ALK: variants seen among roughly 807,000 people sequenced by gnomAD.
The protein encoded by ALK is ALK tyrosine kinase receptor.
Under a neutral mutation model 163.1 loss-of-function variants are expected in ALK, and 74 were observed. The observed-to-expected ratio is 0.45, with a 90% CI of 0.38 to 0.55. ALK has a LOEUF of 0.55. Ranked by LOEUF, ALK falls within the 20% of genes least tolerant of loss-of-function variation. ALK has a pLI of 0.00. For missense variants in ALK, 2,063 were observed against 2,105.3 expected, an observed-to-expected ratio of 0.98 and a Z score of 0.39; for synonymous variants, 960 against 843.2, an observed-to-expected ratio of 1.14 and a Z score of -2.40.
At chr2:29,643,163 T>A (rs1676753009) in intron 3 of ALK, among the ~76,000 whole-genome samples, 1 of 151,932 alleles carries the variant, frequency 6.6e-6, no homozygotes, top group African/African-American at 2.4e-5. Flanking sequence ...ATAATAATGG[T>A]TTCTTGGGGG....
At chr2:29,517,083 C>T (rs1265584428) in intron 4 of ALK, among the ~76,000 whole-genome samples, 1 of 152,134 alleles carries the variant, frequency 6.6e-6, no homozygotes, top group African/African-American at 2.4e-5. Context: ...TTTGGGGACC[C>T]CACAATGAAA....
At chr2:29,777,342 C>A (rs886395345) in intron 1 of ALK, among the ~76,000 whole-genome samples, 1 of 152,076 alleles carries the variant, frequency 6.6e-6, no homozygotes, top group Admixed American at 6.6e-5. Flanking sequence ...ACCCAGCCTA[C>A]GAGTCACTGG....
At chr2:29,824,379 C>T (rs913244738) in intron 1 of ALK, among the ~76,000 whole-genome samples, 3 of 152,208 alleles carry the variant, frequency 2.0e-5, no homozygotes, top group Non-Finnish European at 4.4e-5. Context: ...AAGATGGCCA[C>T]TGTCCTCCAG....
At chr2:29,391,056 G>T (rs574621319) in intron 4 of ALK, among the ~76,000 whole-genome samples, 9 of 152,206 alleles carry the variant, frequency 5.9e-5, no homozygotes, top group Non-Finnish European at 7.4e-5. Context: ...CTGTAGGGGG[G>T]GCCAAGGCAG....
intron 23 of ALK, among the ~76,000 whole-genome samples, chr2:29,215,877 G>A (rs1289794169): frequency 7.2e-5 from 11 of 152,208 alleles, no homozygotes; most frequent in Non-Finnish European, 8.8e-5. Flanking sequence ...AGTTTCATCT[G>A]TGACAGTGGC....
At chr2:29,590,067 TC>T (rs1675002738) in intron 3 of ALK, among the ~76,000 whole-genome samples, 1 of 152,238 alleles carries the variant, frequency 6.6e-6, no homozygotes, top group South Asian at 2.1e-4. Context: ...AGCTAGTTTG[TC>T]TGGCTTGTCA....
At chr2:29,674,928 T>G (rs1366693503) in intron 3 of ALK, among the ~76,000 whole-genome samples, 1 of 135,970 alleles carries the variant, frequency 7.4e-6, no homozygotes. Context: ...GAGGAATTTA[T>G]CCATTTCTTC....
intron 4 of ALK, among the ~76,000 whole-genome samples, chr2:29,434,296 C>T (rs183160132): frequency 1.4e-4 from 22 of 152,218 alleles, no homozygotes; most frequent in African/African-American, 2.6e-4. Flanking sequence ...GCAAATGAGA[C>T]GGAGGCTAGG....
At chr2:29,883,085 G>T (rs1031356119) in intron 1 of ALK, among the ~76,000 whole-genome samples, 4 of 151,344 alleles carry the variant, frequency 2.6e-5, no homozygotes, top group Non-Finnish European at 5.9e-5. Context: ...GAGAGAGGAA[G>T]GGAGAGAGGA....
At chr2:29,371,668 G>T (rs1230865680) in intron 5 of ALK, among the ~76,000 whole-genome samples, 1 of 152,182 alleles carries the variant, frequency 6.6e-6, no homozygotes, top group Non-Finnish European at 1.5e-5. Flanking sequence ...TTCTGACTTG[G>T]TACGTCAGTT....
At chr2:29,577,084 A>G (rs961138231) in intron 3 of ALK, among the ~76,000 whole-genome samples, 1 of 152,094 alleles carries the variant, frequency 6.6e-6, no homozygotes, top group African/African-American at 2.4e-5. Flanking sequence ...CAGTGCCAAA[A>G]AGGTTGGAGA....
At chr2:29,234,616 A>T (rs1664319774) in intron 13 of ALK, among the ~76,000 whole-genome samples, 1 of 152,158 alleles carries the variant, frequency 6.6e-6, no homozygotes. Flanking sequence ...AAACTGTGAC[A>T]GGGGCCCTCG....
chr2:29,226,225 T>C (rs923800148), intron 18 of ALK, among the ~76,000 whole-genome samples: 3 of 151,886 alleles, frequency 2.0e-5, no homozygotes, highest in Non-Finnish European at 4.4e-5. Context: ...ACACCTGTAA[T>C]CCCAGCACTT....
chr2:29,830,672 C>T, intron 1 of ALK, among the ~76,000 whole-genome samples: 1 of 124,858 alleles, frequency 8.0e-6, no homozygotes, highest in Non-Finnish European at 1.6e-5. Flanking sequence ...AGTTGAAGAC[C>T]AGCCTGGAAA....
At chr2:29,404,305 CT>C (rs1477046532) in intron 4 of ALK, among the ~76,000 whole-genome samples, 1 of 38,216 alleles carries the variant, frequency 2.6e-5, no homozygotes, top group East Asian at 8.8e-4. Context: ...AAGACTCCGT[CT>C]CAAAAAAAAA....
intron 2 of ALK, among the ~76,000 whole-genome samples, chr2:29,696,269 C>G (rs1338737012): frequency 6.6e-6 from 1 of 151,970 alleles, no homozygotes; most frequent in Non-Finnish European, 1.5e-5. Flanking sequence ...TCATTCTCAG[C>G]AAACTAACAC....
chr2:29,721,405 C>A (rs1679418737), intron 1 of ALK, among the ~76,000 whole-genome samples: 1 of 152,178 alleles, frequency 6.6e-6, no homozygotes, highest in African/African-American at 2.4e-5. Flanking sequence ...TTAAATTCAT[C>A]ACCAGAAACC....
At chr2:29,291,659 T>A (rs370348160) in intron 9 of ALK, among the ~76,000 whole-genome samples, 97 of 152,352 alleles carry the variant, frequency 6.4e-4, no homozygotes, top group African/African-American at 2.3e-3. Flanking sequence ...CTAGCTCTAA[T>A]CATCATTTAT....
chr2:29,295,347 T>G (rs1666143853), intron 9 of ALK, among the ~76,000 whole-genome samples: 1 of 152,170 alleles, frequency 6.6e-6, no homozygotes, highest in African/African-American at 2.4e-5. Context: ...AAAAACACTT[T>G]GATTCATCTG....
Sources: gnomAD v4.1 joint callset for allele counts (sites outside exome capture counted in the v4.1 genomes callset) on GRCh38, gnomAD v4.1.1 for gene constraint, MANE v1.5 for transcripts, NCBI Gene and HGNC (gene_info 2026-07-23, HGNC 2026-07-21) for gene names.